The following THRB variants were observed in gnomAD, a reference collection of about 807,000 sequenced individuals.
THRB encodes thyroid hormone receptor beta, also known as nuclear receptor subfamily 1 group A member 2.
A neutral mutation model predicts 47.8 loss-of-function variants in THRB; 12 were observed. That is an observed-to-expected ratio of 0.25 (90% CI 0.16 to 0.41). The LOEUF (loss-of-function observed/expected upper bound fraction) is 0.41. Among genes scored for constraint, THRB ranks in the 10% least tolerant of loss-of-function variants. The probability of loss-of-function intolerance (pLI) is 1.00; values close to 1 mark genes in which losing one functional copy is unlikely to be tolerated. For missense variants in THRB, 348 were observed against 589.2 expected, an observed-to-expected ratio of 0.59 and a Z score of 4.24; for synonymous variants, 218 against 212.2, an observed-to-expected ratio of 1.03 and a Z score of -0.24.
At chr3:24,151,727 C>T (rs1165680074) in intron 6 of THRB, among the ~76,000 whole-genome samples, 1 of 152,044 alleles carries the variant, frequency 6.6e-6, no homozygotes, top group Non-Finnish European at 1.5e-5. Flanking sequence ...GTAAGTAGGC[C>T]AATTTAGGTT....
chr3:24,203,319 T>C (rs1235339435), intron 4 of THRB, among the ~76,000 whole-genome samples: 3 of 151,886 alleles, frequency 2.0e-5, no homozygotes. Flanking sequence ...GAGGCTGAGG[T>C]GGGAGGATTG....
chr3:24,481,229 G>GTTTTTTTTTTTTTTTTTTTTTTTTT lies in THRB; in HGVS notation c.-261+13398_-261+13422dup, dbSNP rs746323691. ...TATATGTGTGGATGCGTTTCTTTCTGTTTTTTTTTTTTTTTTTTTTTTTTT... is the reference window on the plus strand; with the variant it reads ...TATATGTGTGGATGCGTTTCTTTCTGTTTTTTTTTTTTTTTTTTTTTTTTTTTTTTTTTTTTTTTTTTTTTTTTTT... On this transcript the variant is annotated intron_variant, in intron 1 of 10. Transcript: ENST00000646209. Among the ~76,000 whole-genome samples, 11 of 55,364 alleles carry GTTTTTTTTTTTTTTTTTTTTTTTTT rather than the reference G, an allele frequency of 2.0e-4. 2 individuals carry two copies. The highest frequency in any genetic ancestry group is 6.1e-4 in the African/African-American group (8 of 13,072). The allele number at this position is 55,364 out of a possible 152,430, so 36.3% of individuals were successfully genotyped here.
At chr3:24,187,036 T>C (rs1390040053) in intron 5 of THRB, among the ~76,000 whole-genome samples, 7 of 151,524 alleles carry the variant, frequency 4.6e-5, no homozygotes, top group Non-Finnish European at 1.0e-4. Flanking sequence ...AAACAATATT[T>C]AGAGTACTAT....
chr3:24,389,138 G>C (rs1226116358), intron 1 of THRB, among the ~76,000 whole-genome samples: 6 of 152,186 alleles, frequency 3.9e-5, no homozygotes, highest in African/African-American at 1.4e-4. Context: ...ATAGCCAGCA[G>C]TGTGTTTTCA....
intron 4 of THRB, among the ~76,000 whole-genome samples, chr3:24,210,410 G>GT (rs1018857127): frequency 0.015 from 2,180 of 141,310 alleles, 16 homozygotes; most frequent in Middle Eastern, 0.033. Context: ...TTATTTGTTT[G>GT]TTTTTTTTTT....
chr3:24,125,366 G>C (rs2032553725), intron 10 of THRB, among the ~76,000 whole-genome samples: 1 of 152,198 alleles, frequency 6.6e-6, no homozygotes, highest in Non-Finnish European at 1.5e-5. Flanking sequence ...TTTGGAAGGA[G>C]ATATAACCAG....
At chr3:24,268,410 GTAGT>G (rs2052889671) in intron 3 of THRB, among the ~76,000 whole-genome samples, 1 of 152,130 alleles carries the variant, frequency 6.6e-6, no homozygotes, top group Non-Finnish European at 1.5e-5. Flanking sequence ...AAAAATTGCT[GTAGT>G]TAATTAATAT....
At chr3:24,168,490 A>ATATATATATATATAT (rs1559499553) in intron 5 of THRB, among the ~76,000 whole-genome samples, 46 of 137,982 alleles carry the variant, frequency 3.3e-4, no homozygotes, top group Non-Finnish European at 4.3e-4. Flanking sequence ...TTCAATCAAT[A>ATATATATATATATAT]ATATATATAT....
chr3:24,269,096 A>G (rs2150600779), intron 3 of THRB, among the ~76,000 whole-genome samples: 1 of 152,302 alleles, frequency 6.6e-6, no homozygotes, highest in Non-Finnish European at 1.5e-5. Flanking sequence ...CATGACCAAC[A>G]TATTGCTTCA....
chr3:24,219,203 G>A (rs1252331843), intron 4 of THRB, among the ~76,000 whole-genome samples: 1 of 152,160 alleles, frequency 6.6e-6, no homozygotes, highest in African/African-American at 2.4e-5. Context: ...ACTGAGTCTG[G>A]GAGGTCTCCT....
chr3:24,238,274 T>G (rs62253724), intron 3 of THRB, among the ~76,000 whole-genome samples: 13 of 7,966 alleles, frequency 1.6e-3, no homozygotes, highest in Non-Finnish European at 2.8e-3. Flanking sequence ...TGTGTGTGTG[T>G]GTGTGGGGGG....
intron 1 of THRB, among the ~76,000 whole-genome samples, chr3:24,420,670 GA>G (rs1476196534): frequency 6.6e-6 from 1 of 151,828 alleles, no homozygotes; most frequent in Non-Finnish European, 1.5e-5. Context: ...ACACCTGTCA[GA>G]ATGGCTATTA....
At chr3:24,285,374 T>C (rs1268157054) in intron 3 of THRB, among the ~76,000 whole-genome samples, 2 of 144,434 alleles carry the variant, frequency 1.4e-5, no homozygotes, top group Non-Finnish European at 3.0e-5. Flanking sequence ...TAGGTGGGAA[T>C]TGAACTATGA....
intron 3 of THRB, among the ~76,000 whole-genome samples, chr3:24,289,650 A>AAAACC (rs1239324673): frequency 6.6e-6 from 1 of 152,242 alleles, no homozygotes; most frequent in East Asian, 1.9e-4. Flanking sequence ...CTACTCAAAG[A>AAAACC]AAACCTAATT....
intron 1 of THRB, among the ~76,000 whole-genome samples, chr3:24,360,066 C>T (rs915314569): frequency 6.6e-6 from 1 of 152,166 alleles, no homozygotes; most frequent in Non-Finnish European, 1.5e-5. Flanking sequence ...TCAAAGACCC[C>T]TAAAGATGTG....
At chr3:24,131,053 G>A (rs1437191818) in intron 9 of THRB, among the ~76,000 whole-genome samples, 1 of 152,200 alleles carries the variant, frequency 6.6e-6, no homozygotes, top group Non-Finnish European at 1.5e-5. Flanking sequence ...GATCATGTGG[G>A]TGGGTTCAGT....
At chr3:24,371,150 G>A (rs1002080089) in intron 1 of THRB, among the ~76,000 whole-genome samples, 1 of 151,992 alleles carries the variant, frequency 6.6e-6, no homozygotes, top group African/African-American at 2.4e-5. Context: ...GCAATAGAGT[G>A]GTTAGAACAC....
At chr3:24,189,884 T>C (rs2043108690) in intron 5 of THRB, 190 bp downstream of exon 5, 2 of 613,532 alleles carry the variant, frequency 3.3e-6, no homozygotes, top group Non-Finnish European at 5.6e-6. Flanking sequence ...GCTGCCTTTC[T>C]TTGGATTCCA....
Position 24,120,962 on chromosome 3 carries a change from G to T in THRB, c.*1922C>A, listed in dbSNP as rs902023935. On this transcript the variant is annotated 3_prime_UTR_variant, in exon 11 of 11. Transcript: ENST00000646209. ...TTTCCAATCATACTTGGAATTTTCA[G>T]TGCTGTTCCTCTTCTTTTTCCAAGG... The T allele has an allele frequency of 6.6e-6, 1 of 152,032 alleles. No homozygotes were observed. The highest frequency in any genetic ancestry group is 1.5e-5 in the Non-Finnish European group (1 of 68,016). 9.4% of individuals were successfully genotyped at this position (152,032 alleles called of 1,614,324 possible). A position where few individuals can be genotyped will look rare whatever the true frequency, so the allele number is the denominator to read the frequency against.
Sources: allele counts gnomAD v4.1 joint callset (sites outside exome capture counted in the v4.1 genomes callset), GRCh38; gene constraint gnomAD v4.1.1; transcripts MANE v1.5; gene names NCBI Gene and HGNC (gene_info 2026-07-23, HGNC 2026-07-21).